Variants in GLI3 observed in about 807,000 individuals in gnomAD.
The protein encoded by GLI3 is transcription activator GLI3.
Under a neutral mutation model 100.8 loss-of-function variants are expected in GLI3, and 20 were observed. The ratio of observed to expected loss-of-function variants is 0.20; its 90% CI spans 0.14 to 0.29. The LOEUF is 0.29. Ranked by LOEUF, GLI3 falls within the 10% of genes least tolerant of loss-of-function variation. The probability of loss-of-function intolerance (pLI) is 1.00; values close to 1 mark genes in which losing one functional copy is unlikely to be tolerated. For missense variants in GLI3, 2,040 were observed against 2,128.5 expected (o/e 0.96, Z 0.82); for synonymous variants, 938 against 860.5 (o/e 1.09, Z -1.58).
chr7:42,071,824 C>T (rs917103313), intron 4 of GLI3, among the ~76,000 whole-genome samples: 3 of 152,170 alleles, frequency 2.0e-5, no homozygotes, highest in Non-Finnish European at 2.9e-5. Context: ...TGCACTCTGT[C>T]TCACAGCTGA....
chr7:42,256,989 A>G (rs2128711280), intron 1 of GLI3, among the ~76,000 whole-genome samples: 1 of 152,114 alleles, frequency 6.6e-6, no homozygotes, highest in East Asian at 1.9e-4. Flanking sequence ...CATGTCTTGC[A>G]TATTACTTGT....
intron 10 of GLI3, among the ~76,000 whole-genome samples, chr7:42,023,152 A>G (rs994972979): frequency 1.6e-4 from 24 of 152,198 alleles, no homozygotes; most frequent in African/African-American, 5.5e-4. Flanking sequence ...AAGGTTAATC[A>G]TAATTCATGT....
intron 2 of GLI3, among the ~76,000 whole-genome samples, chr7:42,194,222 C>G (rs1196622338): frequency 1.3e-5 from 2 of 152,072 alleles, no homozygotes; most frequent in African/African-American, 2.4e-5. Flanking sequence ...GTACACAGAC[C>G]ACATCAAAAT....
intron 2 of GLI3, among the ~76,000 whole-genome samples, chr7:42,183,549 C>A (rs1418362408): frequency 6.6e-6 from 1 of 152,174 alleles, no homozygotes; most frequent in Admixed American, 6.5e-5. Context: ...GGTTCCTAGT[C>A]AGAAATCCAT....
intron 3 of GLI3, among the ~76,000 whole-genome samples, chr7:42,101,901 G>A (rs1371207316): frequency 4.5e-5 from 6 of 133,606 alleles, no homozygotes; most frequent in Admixed American, 7.5e-5. Flanking sequence ...TGATCTCATT[G>A]TTCAATTCCC....
chr7:42,185,462 C>T (rs866893246), intron 2 of GLI3, among the ~76,000 whole-genome samples: 3 of 152,222 alleles, frequency 2.0e-5, no homozygotes, highest in Middle Eastern at 3.2e-3. Context: ...ATGATCCACA[C>T]GCTCTTCAAG....
intron 2 of GLI3, among the ~76,000 whole-genome samples, chr7:42,196,151 T>C (rs939390004): frequency 3.3e-5 from 5 of 152,224 alleles, no homozygotes; most frequent in Admixed American, 2.6e-4. Context: ...GCTGGCTCTC[T>C]TCATTTACTC....
At chr7:42,175,835 C>G (rs1787469839) in intron 2 of GLI3, among the ~76,000 whole-genome samples, 1 of 152,096 alleles carries the variant, frequency 6.6e-6, no homozygotes, top group South Asian at 2.1e-4. Context: ...CTTTGATTTC[C>G]TTAAATCCTC....
chr7:42,082,717 A>C (rs910310494), intron 3 of GLI3, among the ~76,000 whole-genome samples: 1 of 152,176 alleles, frequency 6.6e-6, no homozygotes, highest in African/African-American at 2.4e-5. Context: ...AGTTTAAAGA[A>C]GCTGTGGTTC....
intron 10 of GLI3, among the ~76,000 whole-genome samples, chr7:42,006,287 T>A (rs1316947940): frequency 6.6e-6 from 1 of 152,106 alleles, no homozygotes; most frequent in Non-Finnish European, 1.5e-5. Flanking sequence ...GGTTCTCAGA[T>A]CTCTGTATGC....
rs1789096232 is a variant in GLI3 at position 42,257,404 on chromosome 7, G to A, written c.-43+6590C>T. Among the ~76,000 whole-genome samples, 4 of 145,702 alleles carry A rather than the reference G, an allele frequency of 2.7e-5. No individual in the cohort carries two copies. The South Asian group carries it at 8.7e-4, about 32-fold the overall frequency. On this transcript the variant is annotated intron_variant, in intron 1 of 2. Coordinates refer to the GLI3 transcript ENST00000678978. ...GGAGTCTCGCTCTGTCGCCCAGGCT[G>A]GAGTGCAGTGGCTCACTGCAAGCTC... is the stretch of plus-strand genomic sequence containing the variant.
At chr7:42,041,141 A>G (rs759171032) in intron 6 of GLI3, among the ~76,000 whole-genome samples, 17 of 152,200 alleles carry the variant, frequency 1.1e-4, no homozygotes, top group Non-Finnish European at 2.2e-4. Context: ...ATGAACCTAT[A>G]GGGCATTTTA....
intron 3 of GLI3, among the ~76,000 whole-genome samples, chr7:42,087,632 T>G (rs1318420443): frequency 6.6e-6 from 1 of 151,954 alleles, no homozygotes; most frequent in East Asian, 1.9e-4. Context: ...GAAAAAGCTC[T>G]TAGACACAAA....
chr7:42,017,794 G>A (rs1465089922), intron 10 of GLI3, among the ~76,000 whole-genome samples: 4 of 152,088 alleles, frequency 2.6e-5, no homozygotes, highest in African/African-American at 7.2e-5. Context: ...CAGTGCCACC[G>A]CATTCTCCTC....
intron 2 of GLI3, among the ~76,000 whole-genome samples, chr7:42,215,276 T>G (rs1210534970): frequency 6.6e-6 from 1 of 152,212 alleles, no homozygotes; most frequent in African/African-American, 2.4e-5. Flanking sequence ...GAGTGAATCT[T>G]ACTGTATGTG....
chr7:42,008,370 T>C (rs1788517243), intron 10 of GLI3, among the ~76,000 whole-genome samples: 1 of 152,204 alleles, frequency 6.6e-6, no homozygotes, highest in Non-Finnish European at 1.5e-5. Context: ...CACCAACAAA[T>C]ATTTGAAAGC....
intron 3 of GLI3, among the ~76,000 whole-genome samples, chr7:42,110,782 C>T (rs1186742632): frequency 6.6e-6 from 1 of 152,062 alleles, no homozygotes; most frequent in Non-Finnish European, 1.5e-5. Context: ...ATAATGGAAC[C>T]GACACATTTT....
chr7:41,984,892 T>C (rs11977500), intron 10 of GLI3, among the ~76,000 whole-genome samples: 8,099 of 152,344 alleles, frequency 0.053, 346 homozygotes, highest in African/African-American at 0.11. Flanking sequence ...GCAAAATATA[T>C]GTTCATAGTT....
intron 3 of GLI3, among the ~76,000 whole-genome samples, chr7:42,089,155 C>T (rs756379274): frequency 4.6e-5 from 7 of 152,174 alleles, no homozygotes; most frequent in South Asian, 2.1e-4. Flanking sequence ...ACCTTGTACG[C>T]CTAGGTCCAC....
Sources: allele counts gnomAD v4.1 joint callset (sites outside exome capture counted in the v4.1 genomes callset), GRCh38; gene constraint gnomAD v4.1.1; transcripts MANE v1.5; gene names NCBI Gene and HGNC (gene_info 2026-07-23, HGNC 2026-07-21).